SLC8A1: variants seen among roughly 807,000 people sequenced by gnomAD.
The protein encoded by SLC8A1 is sodium/calcium exchanger 1.
Under a neutral mutation model 68.3 loss-of-function variants are expected in SLC8A1, and 18 were observed. The observed-to-expected ratio is 0.26, with a 90% confidence interval of 0.18 to 0.39. The LOEUF is 0.39. Ranked by LOEUF, SLC8A1 falls within the 10% of genes least tolerant of loss-of-function variation. The pLI is 1.00. For synonymous variants in SLC8A1, 475 were observed against 415.5 expected (o/e 1.14, Z -1.74); for missense variants, 985 against 1,156.7 (o/e 0.85, Z 2.15).
At chr2:40,475,172 C>A (rs921446901) in intron 1 of SLC8A1, among the ~76,000 whole-genome samples, 1 of 152,206 alleles carries the variant, frequency 6.6e-6, no homozygotes. Flanking sequence ...CTCGCTCTGT[C>A]GCCCAGGCTG....
intron 2 of SLC8A1, among the ~76,000 whole-genome samples, chr2:40,214,733 C>T (rs986199675): frequency 3.9e-5 from 6 of 152,090 alleles, no homozygotes; most frequent in South Asian, 4.1e-4. Flanking sequence ...CCACTGCATC[C>T]GGCCTGTTTG....
chr2:40,400,804 T>C (rs1576138504), intron 2 of SLC8A1, among the ~76,000 whole-genome samples: 1 of 152,316 alleles, frequency 6.6e-6, no homozygotes, highest in South Asian at 2.1e-4. Context: ...TTGGAGCATC[T>C]GCCTTCTAAG....
chr2:40,287,872 C>T (rs1020126179), intron 2 of SLC8A1, among the ~76,000 whole-genome samples: 45 of 152,152 alleles, frequency 3.0e-4, no homozygotes, highest in African/African-American at 1.1e-3. Context: ...TCACCAAACC[C>T]CAGCTCTGAT....
chr2:40,494,639 TAATATATATATATATATATATATATA>T (rs1559770164), intron 1 of SLC8A1, among the ~76,000 whole-genome samples: 1 of 75,432 alleles, frequency 1.3e-5, no homozygotes, highest in African/African-American at 5.9e-5. Context: ...ACTTAAAGTA[TAATATATATATATATATATATATATA>T]TATATATATA....
chr2:40,443,079 G>A (rs568462023), intron 1 of SLC8A1, among the ~76,000 whole-genome samples: 1 of 151,962 alleles, frequency 6.6e-6, no homozygotes, highest in African/African-American at 2.4e-5. Flanking sequence ...ACAGGGAGGG[G>A]AACAACACAC....
intron 2 of SLC8A1, among the ~76,000 whole-genome samples, chr2:40,239,903 C>T (rs527890019): frequency 1.6e-4 from 24 of 152,236 alleles, no homozygotes; most frequent in African/African-American, 1.9e-4. Context: ...CCATGGAAAC[C>T]GAACGAATAT....
chr2:40,435,740 TC>T (rs1455800150), intron 1 of SLC8A1, among the ~76,000 whole-genome samples: 2 of 152,058 alleles, frequency 1.3e-5, no homozygotes, highest in Non-Finnish European at 2.9e-5. Context: ...GTTGGCCCTT[TC>T]CCCTACTTTA....
At chr2:40,113,460 T>G (rs1402965877) in exon 8 of SLC8A1, 1 of 152,728 alleles carries the variant, frequency 6.5e-6, no homozygotes, top group Non-Finnish European at 1.5e-5. Flanking sequence ...GTTAAAAATA[T>G]CCCAGTCCAA....
chr2:40,424,172 A>T (rs925721241), intron 2 of SLC8A1, among the ~76,000 whole-genome samples: 1 of 151,742 alleles, frequency 6.6e-6, no homozygotes, highest in African/African-American at 2.4e-5. Flanking sequence ...GTCTTGTGAT[A>T]TTTTTTCTAA....
intron 2 of SLC8A1, among the ~76,000 whole-genome samples, chr2:40,197,126 A>T (rs559974436): frequency 1.3e-5 from 2 of 152,036 alleles, no homozygotes; most frequent in Non-Finnish European, 2.9e-5. Context: ...GAATTGGACC[A>T]GGTTTGTCTG....
chr2:40,157,917 A>G (rs1168623413), intron 6 of SLC8A1, among the ~76,000 whole-genome samples: 4 of 152,220 alleles, frequency 2.6e-5, no homozygotes, highest in Admixed American at 6.5e-5. Context: ...CAGAATCATT[A>G]TGGTCACAGG....
At chr2:40,198,240 G>C (rs184524782) in intron 2 of SLC8A1, among the ~76,000 whole-genome samples, 2 of 152,104 alleles carry the variant, frequency 1.3e-5, no homozygotes, top group Admixed American at 1.3e-4. Context: ...GGAGGGATTA[G>C]TGTTTTGGAA....
At chr2:40,325,704 C>T (rs912075714) in intron 2 of SLC8A1, among the ~76,000 whole-genome samples, 2 of 137,372 alleles carry the variant, frequency 1.5e-5, no homozygotes, top group Non-Finnish European at 1.5e-5. Flanking sequence ...GAGGCCAAGA[C>T]GGGTGGATCA....
intron 2 of SLC8A1, among the ~76,000 whole-genome samples, chr2:40,415,513 T>C (rs1444426931): frequency 6.6e-6 from 1 of 152,042 alleles, no homozygotes; most frequent in African/African-American, 2.4e-5. Flanking sequence ...ACTTCTTCCA[T>C]TGCCACTAAT....
In SLC8A1 at chr2:40,262,692, A is replaced by G. The variant is rs565570534; in HGVS notation, c.1809-84837T>C. On this transcript the variant is annotated intron_variant, in intron 2 of 7. Coordinates refer to ENST00000406785, the Ensembl canonical transcript of SLC8A1. ...TGTTCTTGATTCATGATAGAATGTG[A>G]CAGACAGGTTGTTCATGGAGATTTT... Among the ~76,000 whole-genome samples, 10 of 152,342 alleles carry G rather than the reference A, an allele frequency of 6.6e-5. No individual in the cohort carries two copies. The East Asian group carries it at 1.5e-3, about 24-fold the overall frequency.
At chr2:40,238,285 A>G (rs2060706167) in intron 2 of SLC8A1, among the ~76,000 whole-genome samples, 1 of 152,306 alleles carries the variant, frequency 6.6e-6, no homozygotes, top group African/African-American at 2.4e-5. Flanking sequence ...CCTCCCAGCC[A>G]GGTGCGGGAT....
chr2:40,185,887 T>G (rs2148617424), intron 2 of SLC8A1, among the ~76,000 whole-genome samples: 1 of 152,300 alleles, frequency 6.6e-6, no homozygotes. Context: ...GAGTTTCAAA[T>G]TTTGCTAGTA....
intron 2 of SLC8A1, among the ~76,000 whole-genome samples, chr2:40,214,516 C>G (rs1351751939): frequency 6.6e-6 from 1 of 151,236 alleles, no homozygotes; most frequent in Non-Finnish European, 1.5e-5. Flanking sequence ...AATCTTGGCT[C>G]ACTGCAACCT....
chr2:40,221,065 C>CACA (rs1041016791), intron 2 of SLC8A1, among the ~76,000 whole-genome samples: 74 of 148,132 alleles, frequency 5.0e-4, no homozygotes, highest in South Asian at 1.1e-3. Flanking sequence ...CTGGCAGAGA[C>CACA]ACAACAACAA....
Sources: gnomAD v4.1 joint callset for allele counts (sites outside exome capture counted in the v4.1 genomes callset) on GRCh38, gnomAD v4.1.1 for gene constraint, MANE v1.5 for transcripts, NCBI Gene and HGNC (gene_info 2026-07-23, HGNC 2026-07-21) for gene names.